IL21R: variants seen among roughly 807,000 people sequenced by gnomAD.
IL21R encodes interleukin 21 receptor.
In IL21R, 14 loss-of-function variants were observed where a neutral mutation model predicts 41.3. That is an observed-to-expected ratio of 0.34 (90% confidence interval 0.22 to 0.53). The LOEUF is 0.53. Among genes scored for constraint, IL21R ranks in the 20% least tolerant of loss-of-function variants. The pLI is 0.94. For missense variants in IL21R, 588 were observed against 681.6 expected, an observed-to-expected ratio of 0.86 and a Z score of 1.53; for synonymous variants, 286 against 287.6, an observed-to-expected ratio of 0.99 and a Z score of 0.05.
chr16:27,440,248 T>TATATATATATATAG (rs1352160946), intron 4 of IL21R, among the ~76,000 whole-genome samples: 295 of 63,968 alleles, frequency 4.6e-3, no homozygotes, highest in Middle Eastern at 0.01. Flanking sequence ...TATATATATA[T>TATATATATATATAG]AGAGAGAGAG....
chr16:27,438,227 T>G (rs2087308110), intron 4 of IL21R, among the ~76,000 whole-genome samples: 1 of 152,128 alleles, frequency 6.6e-6, no homozygotes. Flanking sequence ...GCAAATGTCC[T>G]TTTAACCCTG....
chr16:27,418,905 A>C (rs1023427237), intron 1 of IL21R, among the ~76,000 whole-genome samples: 5 of 65,536 alleles, frequency 7.6e-5, no homozygotes, highest in Non-Finnish European at 1.4e-4. Flanking sequence ...TTACTTAAAA[A>C]AATTTTTTTT....
rs755799056 is a variant in IL21R, at chr16:27,437,690, G to A, written c.352+3G>A. 6.2e-6 allele frequency: 10 copies of A among 1,612,954 alleles called. No individual in the cohort carries two copies. The African/African-American group carries it at 1.2e-4, about 19-fold the overall frequency. ...CAGCTTTCTCCTGGCTGAGAGCAGT[G>A]AGTATCCTGGGACCCCAGGCTTAGG... On this transcript the variant is annotated splice_donor_region_variant and intron_variant, in intron 4 of 8. Coordinates refer to ENST00000337929, the MANE Select transcript of IL21R (RefSeq NM_181078.3).
chr16:27,418,511 GGT>G lies in IL21R; in HGVS notation c.-16-11543_-16-11542del. 4.6e-5 allele frequency among the ~76,000 whole-genome samples: 7 copies of G among 152,188 alleles called. No individual in the cohort carries two copies. In the South Asian group the frequency reaches 1.2e-3, roughly 27 times the overall value. ...AGCCTCCAGAGTAGCTGGGACTACAGGTGCGCGCCACCACGCTCGGCTAATTT... is the reference window on the plus strand; with the variant it reads ...AGCCTCCAGAGTAGCTGGGACTACAGGCGCGCCACCACGCTCGGCTAATTT... On this transcript the variant is annotated intron_variant, in intron 1 of 8. Transcript: ENST00000337929.
intron 1 of IL21R, among the ~76,000 whole-genome samples, chr16:27,429,153 G>A (rs2087125375): frequency 6.6e-6 from 1 of 152,162 alleles, no homozygotes; most frequent in South Asian, 2.1e-4. Context: ...GAACCTGGGA[G>A]GTAGAGGTTG....
chr16:27,421,256 G>A (rs2086994767), intron 1 of IL21R, among the ~76,000 whole-genome samples: 1 of 133,930 alleles, frequency 7.5e-6, no homozygotes, highest in Non-Finnish European at 1.5e-5. Flanking sequence ...CTCCAACTGT[G>A]TTCTTTCTCA....
intron 1 of IL21R, among the ~76,000 whole-genome samples, chr16:27,417,163 C>T (rs376502200): frequency 2.7e-4 from 34 of 126,552 alleles, no homozygotes; most frequent in East Asian, 4.5e-4. Context: ...TTTTTCTTTT[C>T]TTTTTTTTTT....
intron 1 of IL21R, among the ~76,000 whole-genome samples, chr16:27,415,836 G>T (rs1409736026): frequency 6.6e-6 from 1 of 152,194 alleles, no homozygotes; most frequent in Admixed American, 6.5e-5. Context: ...GGACCCCCCA[G>T]TTCTTTGGAG....
intron 1 of IL21R, among the ~76,000 whole-genome samples, chr16:27,427,991 G>A (rs140771033): frequency 0.01 from 1,596 of 152,274 alleles, 23 homozygotes; most frequent in African/African-American, 0.036. Flanking sequence ...ATTAAAATAT[G>A]TATTAAAATA....
intron 1 of IL21R, among the ~76,000 whole-genome samples, chr16:27,417,250 C>T (rs1002203608): frequency 6.8e-6 from 1 of 146,152 alleles, no homozygotes; most frequent in African/African-American, 2.5e-5. Context: ...TAGCCTCAAA[C>T]TCTTGGGCTC....
rs140393142 is a variant in IL21R at position 27,440,174 on chromosome 16, T to C, written c.352+2487T>C. 3.4e-4 allele frequency among the ~76,000 whole-genome samples: 50 copies of C among 147,584 alleles called. No individual in the cohort carries two copies. In the East Asian group the frequency reaches 1.0e-2, roughly 30 times the overall value. ...CGGGTTTCAGGATCACAGGCAGCCT[T>C]AGAGCTCCTTTCTGGAGGCCTTGCA... On this transcript the variant is annotated intron_variant, in intron 4 of 8. Coordinates refer to ENST00000337929, the MANE Select transcript of IL21R (RefSeq NM_181078.3).
At chr16:27,434,311 C>T (rs377456606) in intron 2 of IL21R, 36 bp from the exon 3 acceptor site, 8 of 1,371,518 alleles carry the variant, frequency 5.8e-6, no homozygotes, top group Admixed American at 1.7e-5. Context: ...CCCAAGCCAC[C>T]CCCCACCAAG....
intron 5 of IL21R, 128 bp from the exon 6 acceptor site, chr16:27,444,414 G>T: frequency 1.7e-6 from 1 of 590,548 alleles, no homozygotes; most frequent in East Asian, 3.5e-5. Flanking sequence ...GCATAGGCTT[G>T]ATTCTTGTGG....
intron 4 of IL21R, among the ~76,000 whole-genome samples, chr16:27,440,248 T>TATATATAGAGAGAG (rs1352160946): frequency 3.1e-3 from 198 of 64,012 alleles, no homozygotes; most frequent in Middle Eastern, 0.01. Flanking sequence ...TATATATATA[T>TATATATAGAGAGAG]AGAGAGAGAG....
intron 5 of IL21R, among the ~76,000 whole-genome samples, chr16:27,443,738 G>A (rs761787909): frequency 6.6e-6 from 1 of 150,828 alleles, no homozygotes; most frequent in Admixed American, 6.6e-5. Context: ...AGCTGGGATC[G>A]CGCTACTGCA....
intron 1 of IL21R, among the ~76,000 whole-genome samples, chr16:27,414,808 A>T (rs1367876130): frequency 2.6e-5 from 4 of 152,178 alleles, no homozygotes; most frequent in African/African-American, 9.7e-5. Flanking sequence ...CCAAAAGTTC[A>T]TGGAAAATTC....
rs60418304 is a variant in IL21R, at chr16:27,440,222, A to AATATATATATATATATAT, written c.352+2545_352+2562dup. Among the ~76,000 whole-genome samples the AATATATATATATATATAT allele has an allele frequency of 8.0e-4, 61 of 75,836 alleles. 1 individual carries two copies. Among genetic ancestry groups the AATATATATATATATATAT allele is most frequent in the Non-Finnish European group, 9.5e-4 (41 of 43,156 alleles). 49.8% of individuals were successfully genotyped at this position (75,836 alleles called of 152,430 possible). ...GCAAGGTTCATTAGTTAATCTGACAAATATATATATATATATATATATATA... is the reference window on the plus strand; with the variant it reads ...GCAAGGTTCATTAGTTAATCTGACAAATATATATATATATATATATATATATATATATATATATATATA... On this transcript the variant is annotated intron_variant, in intron 4 of 8. Transcript: ENST00000337929.
In IL21R at chr16:27,430,058, C is replaced by T. The variant is rs1188163176; in HGVS notation, c.-14C>T. 1 of 1,606,146 alleles carries T rather than the reference C, an allele frequency of 6.2e-7. No individual in the cohort carries two copies. Among genetic ancestry groups the T allele is most frequent in the East Asian group, 2.2e-5 (1 of 44,846 alleles). On this transcript the variant is annotated splice_region_variant and 5_prime_UTR_variant, in exon 2 of 9. Coordinates refer to ENST00000337929, the MANE Select transcript of IL21R (RefSeq NM_181078.3). ...CCTCCACTGTACGTCTCTTGCAGGCCCGTGGGAGTCAGCATGCCGCGTGGC... is the reference window on the plus strand; with the variant it reads ...CCTCCACTGTACGTCTCTTGCAGGCTCGTGGGAGTCAGCATGCCGCGTGGC...
rs571429764 is a variant in IL21R, at chr16:27,450,291, A to G, written c.*1008A>G. The G allele has an allele frequency of 4.3e-6, 1 of 232,144 alleles. No homozygotes were observed. Among genetic ancestry groups the G allele is most frequent in the South Asian group, 1.8e-4 (1 of 5,510 alleles). 14.4% of individuals were successfully genotyped at this position (232,144 alleles called of 1,614,324 possible). Reference sequence around the variant, plus strand: ...TTTTAAAAATTCCCTTTATGCACCCAAGAGATATTTATTAAACACCAATTA... The same window carrying G: ...TTTTAAAAATTCCCTTTATGCACCCGAGAGATATTTATTAAACACCAATTA... On this transcript the variant is annotated 3_prime_UTR_variant, in exon 9 of 9. Transcript: ENST00000337929.
Sources: allele counts gnomAD v4.1 joint callset (sites outside exome capture counted in the v4.1 genomes callset), GRCh38; gene constraint gnomAD v4.1.1; transcripts MANE v1.5; gene names NCBI Gene and HGNC (gene_info 2026-07-23, HGNC 2026-07-21).